FAM13A: variants seen among roughly 807,000 people sequenced by gnomAD.
FAM13A encodes the protein family with sequence similarity 13 member A, also known as protein FAM13A.
A neutral mutation model predicts 129.6 loss-of-function variants in FAM13A; 76 were observed. The observed-to-expected ratio is 0.59, with a 90% confidence interval of 0.49 to 0.71. The LOEUF (loss-of-function observed/expected upper bound fraction) is 0.71. Among genes scored for constraint, FAM13A ranks in the 30% least tolerant of loss-of-function variants. The pLI, the probability that FAM13A is intolerant of heterozygous loss-of-function variation, is 0.00. For synonymous variants in FAM13A, 443 were observed against 449.9 expected (o/e 0.98, Z 0.20); for missense variants, 1,108 against 1,249.3 (o/e 0.89, Z 1.70).
intron 19 of FAM13A, among the ~76,000 whole-genome samples, chr4:88,745,834 G>C (rs997303748): frequency 4.0e-5 from 6 of 151,310 alleles, no homozygotes; most frequent in Non-Finnish European, 8.8e-5. Context: ...GCCAGCAGAA[G>C]AATCATCAGT....
At chr4:88,788,555 T>C (rs1482727530) in intron 9 of FAM13A, among the ~76,000 whole-genome samples, 1 of 152,114 alleles carries the variant, frequency 6.6e-6, no homozygotes, top group Non-Finnish European at 1.5e-5. Context: ...CCCCAGAACA[T>C]ATTACTGAAA....
intron 4 of FAM13A, among the ~76,000 whole-genome samples, chr4:88,959,075 G>T (rs1203103411): frequency 1.3e-5 from 2 of 152,150 alleles, no homozygotes; most frequent in African/African-American, 2.4e-5. Context: ...ATACCCCATT[G>T]TATCTTGAAA....
intron 7 of FAM13A, among the ~76,000 whole-genome samples, chr4:88,832,516 G>A (rs1293766896): frequency 1.3e-5 from 2 of 151,898 alleles, no homozygotes; most frequent in African/African-American, 2.4e-5. Context: ...TTGAGTCTAC[G>A]AGGAACTTAA....
intron 13 of FAM13A, among the ~76,000 whole-genome samples, chr4:88,765,575 A>G (rs997596364): frequency 1.3e-5 from 2 of 152,248 alleles, no homozygotes; most frequent in Non-Finnish European, 2.9e-5. Context: ...TTAAAAAGTA[A>G]TAACTAACAG....
At chr4:88,826,312 T>TAAAAAAAAAAAAA (rs35488589) in intron 7 of FAM13A, among the ~76,000 whole-genome samples, 1 of 138,932 alleles carries the variant, frequency 7.2e-6, no homozygotes, top group Non-Finnish European at 1.6e-5. Context: ...CACGTAGGAT[T>TAAAAAAAAAAAAA]AAAAAAAAAA....
chr4:88,959,121 G>A (rs1179449026), intron 4 of FAM13A, among the ~76,000 whole-genome samples: 1 of 152,316 alleles, frequency 6.6e-6, no homozygotes, highest in Admixed American at 6.5e-5. Context: ...AAGCTCATAA[G>A]TGAAAGGGAC....
At chr4:88,811,849 C>T (rs1385020546) in intron 7 of FAM13A, among the ~76,000 whole-genome samples, 1 of 152,158 alleles carries the variant, frequency 6.6e-6, no homozygotes, top group Non-Finnish European at 1.5e-5. Flanking sequence ...ATGTGTCTCC[C>T]AAAGTTTATG....
At chr4:88,976,440 G>A (rs1422094759) in intron 4 of FAM13A, among the ~76,000 whole-genome samples, 1 of 152,104 alleles carries the variant, frequency 6.6e-6, no homozygotes, top group Non-Finnish European at 1.5e-5. Flanking sequence ...TATGTTCCAA[G>A]AACCTGAATA....
At chr4:88,870,664 G>A (rs1209556247) in intron 6 of FAM13A, among the ~76,000 whole-genome samples, 1 of 152,104 alleles carries the variant, frequency 6.6e-6, no homozygotes, top group Non-Finnish European at 1.5e-5. Flanking sequence ...ACCGCAGCCT[G>A]CCTCTGCAGA....
In FAM13A at chr4:88,768,045, G is replaced by C. The variant is rs764887254; in HGVS notation, c.1473C>G (p.Leu491=). 6.2e-7 allele frequency: 1 copy of C among 1,603,802 alleles called. No individual in the cohort carries two copies. The highest frequency in any genetic ancestry group is 1.1e-5 in the South Asian group (1 of 90,730). Residue 491 remains leucine, a synonymous_variant, in exon 12 of 24, where the codon CTC becomes CTG. Coordinates refer to ENST00000264344, the MANE Select transcript of FAM13A (RefSeq NM_014883.4). ...TTCTCTCATGAGATCGTGTGGAATT[G>C]AGACTTTCCATATTCTGTAACAGAA... ...NQDGLVNMES[L]NSTRSHERTG...
chr4:88,935,021 T>G (rs933020256), intron 5 of FAM13A, among the ~76,000 whole-genome samples: 2 of 152,192 alleles, frequency 1.3e-5, no homozygotes, highest in Non-Finnish European at 2.9e-5. Flanking sequence ...GAAAGCAAAG[T>G]TGAAGGGGAA....
intron 21 of FAM13A, among the ~76,000 whole-genome samples, chr4:88,733,531 A>G (rs956940269): frequency 1.7e-4 from 26 of 152,240 alleles, no homozygotes; most frequent in African/African-American, 6.3e-4. Flanking sequence ...AATTGAGATA[A>G]TGTGTGTCAG....
intron 5 of FAM13A, among the ~76,000 whole-genome samples, chr4:88,906,756 T>C (rs538956814): frequency 1.4e-4 from 22 of 152,336 alleles, no homozygotes; most frequent in African/African-American, 4.8e-4. Flanking sequence ...CACATACATA[T>C]CCAGTATAGA....
At chr4:88,826,967 T>C (rs1183890432) in intron 7 of FAM13A, among the ~76,000 whole-genome samples, 7 of 152,192 alleles carry the variant, frequency 4.6e-5, no homozygotes, top group African/African-American at 9.6e-5. Flanking sequence ...TCCTACCCTC[T>C]GGTGCTGCAG....
At chr4:88,911,711 C>G (rs1749116954) in intron 5 of FAM13A, among the ~76,000 whole-genome samples, 1 of 152,228 alleles carries the variant, frequency 6.6e-6, no homozygotes, top group Non-Finnish European at 1.5e-5. Flanking sequence ...CTTCAACGGT[C>G]TCCTGTCACT....
At chr4:88,865,000 C>G (rs1740135492) in intron 6 of FAM13A, among the ~76,000 whole-genome samples, 2 of 152,018 alleles carry the variant, frequency 1.3e-5, no homozygotes, top group African/African-American at 4.8e-5. Flanking sequence ...AAATTTTCAC[C>G]TACAGCCACT....
At chr4:88,855,935 G>A (rs1056006991) in intron 6 of FAM13A, 1 of 152,162 alleles carries the variant, frequency 6.6e-6, no homozygotes, top group Non-Finnish European at 1.5e-5. Context: ...GAGGGATTTC[G>A]TTTACTGGAC....
At chr4:88,882,682 G>T (rs1414303031) in intron 6 of FAM13A, among the ~76,000 whole-genome samples, 2 of 150,994 alleles carry the variant, frequency 1.3e-5, no homozygotes, top group African/African-American at 2.4e-5. Flanking sequence ...AATGTTGAAT[G>T]TAAATGGCAT....
intron 6 of FAM13A, among the ~76,000 whole-genome samples, chr4:88,878,219 C>T (rs1455978319): frequency 7.4e-6 from 1 of 134,752 alleles, no homozygotes; most frequent in Non-Finnish European, 1.5e-5. Context: ...ACCCGGGAGG[C>T]GGAGCTTGCA....
Sources: allele counts gnomAD v4.1 joint callset (sites outside exome capture counted in the v4.1 genomes callset), GRCh38; gene constraint gnomAD v4.1.1; transcripts MANE v1.5; gene names NCBI Gene and HGNC (gene_info 2026-07-23, HGNC 2026-07-21).